Variants in RAD18 observed in about 807,000 individuals in gnomAD.
RAD18 encodes RAD18 E3 ubiquitin protein ligase, also known as E3 ubiquitin-protein ligase RAD18.
A neutral mutation model predicts 60.4 loss-of-function variants in RAD18; 47 were observed. That is an observed-to-expected ratio of 0.78 (90% CI 0.62 to 0.99). RAD18 has a LOEUF of 0.99. RAD18 is among the 50% of genes least tolerant of loss of function. RAD18 has a pLI of 0.00. For missense variants in RAD18, 640 were observed against 593.3 expected (o/e 1.08, Z -0.82); for synonymous variants, 225 against 195.5 (o/e 1.15, Z -1.26).
In RAD18 at chr3:8,955,686, T is replaced by C. The variant is rs189039442; in HGVS notation, c.133+3234A>G. Among the ~76,000 whole-genome samples, 17 of 152,248 alleles carry C rather than the reference T, an allele frequency of 1.1e-4. No individual in the cohort carries two copies. The East Asian group carries it at 3.3e-3, about 29-fold the overall frequency. Reference sequence around the variant, plus strand: ...CAACTCTGGAGAACCTGCAATACCATGGACAGACACATGAGAGAGAAAAAC... The same window carrying C: ...CAACTCTGGAGAACCTGCAATACCACGGACAGACACATGAGAGAGAAAAAC... On this transcript the variant is annotated intron_variant, in intron 2 of 12. Transcript: ENST00000264926.
At chr3:8,941,080 T>C (rs930475814) in intron 5 of RAD18, among the ~76,000 whole-genome samples, 3 of 152,120 alleles carry the variant, frequency 2.0e-5, no homozygotes, top group African/African-American at 7.2e-5. Flanking sequence ...AGGCCTCAAA[T>C]TGTCACAGGC....
chr3:8,947,359 G>A, intron 3 of RAD18, 69 bp from the exon 4 acceptor site: 1 of 1,297,794 alleles, frequency 7.7e-7, no homozygotes. Context: ...TCTTGTTTTT[G>A]AAAATGTCTG....
At chr3:8,905,205 G>C (rs1939982556) in intron 9 of RAD18, among the ~76,000 whole-genome samples, 1 of 152,198 alleles carries the variant, frequency 6.6e-6, no homozygotes, top group Non-Finnish European at 1.5e-5. Flanking sequence ...CTAGTCGTGG[G>C]AGTGTCCATG....
chr3:8,881,807 T>G lies in RAD18; in HGVS notation c.1386-348A>C, dbSNP rs13326153. 6.6e-3 allele frequency among the ~76,000 whole-genome samples: 1,002 copies of G among 152,358 alleles called. 8 individuals carry two copies. The highest frequency in any genetic ancestry group is 0.023 in the African/African-American group (945 of 41,576). On this transcript the variant is annotated intron_variant, in intron 12 of 12. Transcript: ENST00000264926. ...AGTCTAACAAAATCTTAACTCTGTT[T>G]GATCCTTCAGAGACCTGAGGTTTTA...
intron 7 of RAD18, 30 bp downstream of exon 7, chr3:8,935,841 T>A: frequency 6.7e-7 from 1 of 1,483,258 alleles, no homozygotes. Context: ...ATCCAGAAAG[T>A]AAGCATAACT....
At chr3:8,899,309 T>A (rs1039153691) in intron 10 of RAD18, among the ~76,000 whole-genome samples, 2 of 152,212 alleles carry the variant, frequency 1.3e-5, no homozygotes, top group Admixed American at 6.5e-5. Flanking sequence ...AAGAATCTTG[T>A]AATTCTAATG....
At chr3:8,928,113 T>C (rs146377125) in intron 7 of RAD18, among the ~76,000 whole-genome samples, 81 of 149,820 alleles carry the variant, frequency 5.4e-4, no homozygotes, top group Middle Eastern at 3.5e-3. Context: ...AGTAGTGTAC[T>C]ATTCATTGAA....
chr3:8,912,550 G>A, intron 8 of RAD18, 178 bp from the exon 9 acceptor site: 1 of 394,116 alleles, frequency 2.5e-6, no homozygotes, highest in South Asian at 8.2e-5. Context: ...TACCAGAAAT[G>A]GTATACATTT....
At chr3:8,915,862 C>T (rs910963497) in intron 7 of RAD18, among the ~76,000 whole-genome samples, 2 of 152,268 alleles carry the variant, frequency 1.3e-5, no homozygotes, top group African/African-American at 2.4e-5. Flanking sequence ...GGATTACAGG[C>T]GTGAGCCACC....
rs771794855 is a variant in RAD18, at chr3:8,899,052, GA to G, written c.1169-6del. ...AGGTCATATTATCTTCCTGTCCTAG[GA>G]AAAAATAAATTTAAGAGTACCTTAA... is the stretch of plus-strand genomic sequence containing the variant. On this transcript the variant is annotated splice_region_variant and splice_polypyrimidine_tract_variant and intron_variant, in intron 10 of 12. Coordinates refer to ENST00000264926, the MANE Select transcript of RAD18 (RefSeq NM_020165.4). 1 of 1,563,814 alleles carries G rather than the reference GA, an allele frequency of 6.4e-7. No homozygotes were observed. The highest frequency in any genetic ancestry group is 2.0e-5 in the Admixed American group (1 of 51,206).
intron 12 of RAD18, among the ~76,000 whole-genome samples, chr3:8,886,230 ATCTGT>A (rs770552899): frequency 9.2e-5 from 14 of 152,094 alleles, no homozygotes; most frequent in Non-Finnish European, 1.9e-4. Flanking sequence ...CCACAAAAAA[ATCTGT>A]TCTGTCAGTC....
At chr3:8,902,159 G>T (rs962736271) in intron 10 of RAD18, among the ~76,000 whole-genome samples, 3 of 152,118 alleles carry the variant, frequency 2.0e-5, no homozygotes, top group South Asian at 2.1e-4. Context: ...CTGAAAGGAC[G>T]ATAGACAAAA....
At chr3:8,951,267 T>C (rs1235944621) in intron 2 of RAD18, among the ~76,000 whole-genome samples, 1 of 152,124 alleles carries the variant, frequency 6.6e-6, no homozygotes, top group Non-Finnish European at 1.5e-5. Flanking sequence ...GAAGCTGTAG[T>C]GGGGGCCTTA....
chr3:8,962,875 T>C (rs1170343496), intron 1 of RAD18, among the ~76,000 whole-genome samples: 1 of 152,108 alleles, frequency 6.6e-6, no homozygotes, highest in South Asian at 2.1e-4. Context: ...ACTACGTTTA[T>C]TGAGAATAAT....
At chr3:8,890,564 T>G in intron 11 of RAD18, 113 bp from the exon 12 acceptor site, 1 of 703,406 alleles carries the variant, frequency 1.4e-6, no homozygotes, top group Non-Finnish European at 2.4e-6. Context: ...AGCAAACCAG[T>G]GGTTACCAGT....
intron 7 of RAD18, among the ~76,000 whole-genome samples, chr3:8,925,605 CAA>C (rs1017679277): frequency 2.1e-4 from 32 of 152,112 alleles, no homozygotes; most frequent in African/African-American, 7.5e-4. Context: ...AAAGACACAA[CAA>C]AAAAAGAGAA....
intron 11 of RAD18, among the ~76,000 whole-genome samples, chr3:8,891,930 T>G (rs1316582079): frequency 1.3e-5 from 2 of 152,244 alleles, no homozygotes; most frequent in Non-Finnish European, 2.9e-5. Flanking sequence ...TTCCTAAAAT[T>G]AAACATAGTT....
chr3:8,893,878 T>C (rs963902515), intron 11 of RAD18, among the ~76,000 whole-genome samples: 2 of 151,922 alleles, frequency 1.3e-5, no homozygotes, highest in African/African-American at 2.4e-5. Context: ...TTTGTAGAGA[T>C]GGCATCTCCC....
chr3:8,920,847 A>G (rs907383604), intron 7 of RAD18, among the ~76,000 whole-genome samples: 2 of 152,232 alleles, frequency 1.3e-5, no homozygotes, highest in Non-Finnish European at 2.9e-5. Flanking sequence ...TTACCACGAA[A>G]TGCAATATGT....
Sources: gnomAD v4.1 joint callset for allele counts (sites outside exome capture counted in the v4.1 genomes callset) on GRCh38, gnomAD v4.1.1 for gene constraint, MANE v1.5 for transcripts, NCBI Gene and HGNC (gene_info 2026-07-23, HGNC 2026-07-21) for gene names.